The following CRB1 variants were observed in gnomAD, a reference collection of about 807,000 sequenced individuals.
CRB1 encodes the protein crumbs cell polarity complex component 1.
CRB1 carries 83 observed loss-of-function variants against 120.0 expected under a neutral mutation model. The ratio of observed to expected loss-of-function variants is 0.69; its 90% CI spans 0.58 to 0.83. The LOEUF (loss-of-function observed/expected upper bound fraction) is 0.83. Among genes scored for constraint, CRB1 ranks in the 40% least tolerant of loss-of-function variants. The pLI is 0.00. For missense variants in CRB1, 1,699 were observed against 1,687.6 expected (o/e 1.01, Z -0.12); for synonymous variants, 625 against 612.5 (o/e 1.02, Z -0.30).
intron 5 of CRB1, among the ~76,000 whole-genome samples, chr1:197,414,817 C>A (rs1663888395): frequency 6.6e-6 from 1 of 152,128 alleles, no homozygotes; most frequent in African/African-American, 2.4e-5. Context: ...TTTTTTCCCA[C>A]TTTTAGTTTT....
intron 1 of CRB1, among the ~76,000 whole-genome samples, chr1:197,275,269 ACT>A (rs1395319175): frequency 1.3e-5 from 2 of 152,016 alleles, no homozygotes; most frequent in African/African-American, 4.8e-5. Context: ...GAGGGTTAGG[ACT>A]CTGACATACC....
In CRB1 at chr1:197,427,780, G is replaced by T; in HGVS notation, c.2455G>T (p.Ala819Ser). 6.2e-7 allele frequency: 1 copy of T among 1,613,928 alleles called. No homozygotes were observed. The change falls in exon 7 of 12, where the codon GCT becomes TCT. Residue 819 changes from alanine (A) to serine (S), a missense_variant. By Grantham distance (99) the Ala-to-Ser change is moderately conservative. Transcript: ENST00000367400. ...TTCACAAAACCTAGGATTTATTTCT[G>T]CTTCTACGTGGAAAATCGAAAAGGG... ...QSSQNLGFIS[A>S]STWKIEKGDV... is the part of the protein sequence containing the mutation.
intron 5 of CRB1, among the ~76,000 whole-genome samples, chr1:197,389,566 A>T (rs2476017): frequency 0.069 from 10,498 of 152,128 alleles, 1,267 homozygotes; most frequent in African/African-American, 0.24. Flanking sequence ...GTGCTTAATG[A>T]GTAGTTTTTC....
the CRB1 span, among the ~76,000 whole-genome samples, chr1:197,225,087 T>C: frequency 6.6e-6 from 1 of 152,130 alleles, no homozygotes; most frequent in South Asian, 2.1e-4. Flanking sequence ...CCTCAACAAA[T>C]AGGTATCATT....
chr1:197,214,395 G>A, the CRB1 span, among the ~76,000 whole-genome samples: 3 of 152,030 alleles, frequency 2.0e-5, no homozygotes, highest in Non-Finnish European at 2.9e-5. Context: ...GTATTCATGA[G>A]ATGCAAAACC....
the CRB1 span, among the ~76,000 whole-genome samples, chr1:197,230,271 T>C: frequency 1.3e-5 from 2 of 152,188 alleles, no homozygotes; most frequent in Non-Finnish European, 2.9e-5. Context: ...AAAATACAAT[T>C]GGAGAAATAT....
chr1:197,420,441 G>T (rs1347185929), intron 5 of CRB1, among the ~76,000 whole-genome samples: 1 of 152,158 alleles, frequency 6.6e-6, no homozygotes, highest in Non-Finnish European at 1.5e-5. Context: ...TTGCAGGGAA[G>T]GAGGAAATGG....
chr1:197,301,465 T>C (rs913761628), intron 1 of CRB1, among the ~76,000 whole-genome samples: 1 of 152,066 alleles, frequency 6.6e-6, no homozygotes, highest in African/African-American at 2.4e-5. Flanking sequence ...CACACCCGGC[T>C]TCAAGTCTCA....
At chr1:197,353,828 A>C (rs1370277552) in intron 4 of CRB1, among the ~76,000 whole-genome samples, 2 of 151,022 alleles carry the variant, frequency 1.3e-5, no homozygotes, top group African/African-American at 2.4e-5. Flanking sequence ...AAAAAAAAAA[A>C]AAAAAAAAAC....
chr1:197,254,577 G>A, the CRB1 span, among the ~76,000 whole-genome samples: 1 of 151,900 alleles, frequency 6.6e-6, no homozygotes, highest in Non-Finnish European at 1.5e-5. Context: ...ATGAGGAGAA[G>A]CAAAAAAGCT....
intron 5 of CRB1, among the ~76,000 whole-genome samples, chr1:197,404,257 A>G (rs201155511): frequency 1.3e-5 from 2 of 152,120 alleles, no homozygotes; most frequent in East Asian, 1.9e-4. Context: ...CTAATTGCAT[A>G]TTGCAGGATA....
chr1:197,261,988 A>T, the CRB1 span, among the ~76,000 whole-genome samples: 1 of 152,132 alleles, frequency 6.6e-6, no homozygotes, highest in Non-Finnish European at 1.5e-5. Context: ...ACTCTTATTA[A>T]ATCAATTTTG....
chr1:197,441,109 T>G (rs1665412139), intron 10 of CRB1: 1 of 152,132 alleles, frequency 6.6e-6, no homozygotes, highest in African/African-American at 2.4e-5. Context: ...ACGTGCAAGT[T>G]TTACATTTTG....
At chr1:197,358,211 G>T (rs1453984985) in intron 5 of CRB1, 1 of 151,902 alleles carries the variant, frequency 6.6e-6, no homozygotes, top group African/African-American at 2.4e-5. Context: ...TCTTACTATT[G>T]CCTCTTTTCA....
chr1:197,249,892 A>G, the CRB1 span, among the ~76,000 whole-genome samples: 1 of 152,028 alleles, frequency 6.6e-6, no homozygotes, highest in African/African-American at 2.4e-5. Flanking sequence ...ACTAAGGAAT[A>G]GGCTATGTGG....
chr1:197,429,248 A>C, intron 7 of CRB1: 1 of 1,387,256 alleles, frequency 7.2e-7, no homozygotes, highest in Non-Finnish European at 9.7e-7. Flanking sequence ...TCTCTCTGCC[A>C]CCACTCTGCC....
At chr1:197,211,342 G>T in the CRB1 span, among the ~76,000 whole-genome samples, 9 of 152,130 alleles carry the variant, frequency 5.9e-5, no homozygotes. Flanking sequence ...GAAGAAATGT[G>T]CTTCCTTAGT....
chr1:197,322,495 A>G (rs552157080), intron 1 of CRB1, among the ~76,000 whole-genome samples: 1 of 151,480 alleles, frequency 6.6e-6, no homozygotes, highest in South Asian at 2.1e-4. Flanking sequence ...AATAATTTTT[A>G]TACCAATTAC....
At chr1:197,277,022 G>A (rs565819352) in intron 1 of CRB1, among the ~76,000 whole-genome samples, 3 of 151,900 alleles carry the variant, frequency 2.0e-5, no homozygotes, top group African/African-American at 7.2e-5. Flanking sequence ...TAAAGCGTTG[G>A]TGGCTTAAAA....
Sources: gnomAD v4.1 joint callset for allele counts (sites outside exome capture counted in the v4.1 genomes callset) on GRCh38, gnomAD v4.1.1 for gene constraint, MANE v1.5 for transcripts, NCBI Gene and HGNC (gene_info 2026-07-23, HGNC 2026-07-21) for gene names.